Variants in CKB observed in about 807,000 individuals in gnomAD.
CKB encodes creatine kinase B.
CKB carries 15 observed loss-of-function variants against 36.9 expected under a neutral mutation model. That is an observed-to-expected ratio of 0.41 (90% CI 0.27 to 0.63). CKB has a LOEUF of 0.63. Among genes scored for constraint, CKB ranks in the 20% least tolerant of loss-of-function variants. The probability of loss-of-function intolerance (pLI) is 0.34; values close to 1 mark genes in which losing one functional copy is unlikely to be tolerated. For missense variants in CKB, 413 were observed against 534.9 expected (o/e 0.77, Z 2.25); for synonymous variants, 250 against 228.2 (o/e 1.10, Z -0.86).
Position 103,522,264 on chromosome 14 carries a change from G to C in CKB, c.193+37C>G, listed in dbSNP as rs754005707. The C allele has an allele frequency of 1.2e-5, 19 of 1,568,726 alleles. No individual in the cohort carries two copies. Among genetic ancestry groups the C allele is most frequent in the Non-Finnish European group, 1.5e-5 (17 of 1,159,142 alleles). ...AGGACCCTGCGGCTGCGCGGGGGGA[G>C]GGGGGGCCGGGACCCCGGCCCCGAG... On this transcript the variant is annotated intron_variant, in intron 2 of 7. Coordinates refer to ENST00000348956, the MANE Select transcript of CKB (RefSeq NM_001823.5). The surrounding 1 kb of genome is among the most constrained non-coding windows in gnomAD (Gnocchi z 6.7).
At chr14:103,520,422 C>G in intron 6 of CKB, 47 bp downstream of exon 6, 1 of 1,590,526 alleles carries the variant, frequency 6.3e-7, no homozygotes, top group Non-Finnish European at 8.6e-7. Flanking sequence ...GGGGCACCCA[C>G]ATCCCTGCTG....
intron 4 of CKB, 116 bp downstream of exon 4, chr14:103,521,702 G>A (rs532168573): frequency 1.7e-6 from 2 of 1,175,744 alleles, no homozygotes; most frequent in Non-Finnish European, 2.2e-6. Context: ...CCGGGCGCGC[G>A]CAGATAAGAG....
chr14:103,522,504 G>T lies in CKB; in HGVS notation c.-11C>A. Reference sequence around the variant, plus strand: ...GTTGGAGAAGGGCATGGCGGCGGCGGGCTGCGGGGAGACGCGGGGTCAGAG... The same window carrying T: ...GTTGGAGAAGGGCATGGCGGCGGCGTGCTGCGGGGAGACGCGGGGTCAGAG... On this transcript the variant is annotated splice_region_variant and 5_prime_UTR_variant, in exon 2 of 8. Coordinates refer to ENST00000348956, the MANE Select transcript of CKB (RefSeq NM_001823.5). The surrounding 1 kb of genome is among the most constrained non-coding windows in gnomAD (Gnocchi z 6.7). 1 of 1,592,916 alleles carries T rather than the reference G, an allele frequency of 6.3e-7. No homozygotes were observed.
chr14:103,520,267 G>T lies in CKB; in HGVS notation c.822C>A (p.Asn274Lys). The T allele has an allele frequency of 1.2e-6, 2 of 1,613,430 alleles. No homozygotes were observed. The highest frequency in any genetic ancestry group is 1.1e-5 in the South Asian group (1 of 91,078). The change falls in exon 7 of 8, where the codon AAC becomes AAA. Residue 274 changes from asparagine (N) to lysine (K), a missense_variant. Coordinates refer to ENST00000348956, the MANE Select transcript of CKB (RefSeq NM_001823.5). ...AGGTGAGGATGTAGCCCAGGTGAGG[G>T]TTCCACATGAACTCATAGTCCTTAG... is the stretch of plus-strand genomic sequence containing the variant. Reference protein sequence around the residue: ...FKSKDYEFMWNPHLGYILTCP... With the variant: ...FKSKDYEFMWKPHLGYILTCP...
At position 103,521,252 on chromosome 14, in the gene CKB, G is replaced by A. The variant is rs1281226533; in HGVS notation, c.653+11C>T. The stretch of plus-strand genomic sequence containing the variant: ...GGAGGACGCCGCGAGAGGGCGCAGA[G>A]GGACACGCACCAGATACCGCGGGCG... On this transcript the variant is annotated intron_variant, in intron 5 of 7. Transcript: ENST00000348956. 1.9e-6 allele frequency: 3 copies of A among 1,583,366 alleles called. No homozygotes were observed. The South Asian group carries it at 3.4e-5, about 18-fold the overall frequency.
Position 103,522,067 on chromosome 14 carries a change from G to C in CKB, c.304C>G (p.Pro102Ala). 1 of 1,558,804 alleles carries C rather than the reference G, an allele frequency of 6.4e-7. No individual in the cohort carries two copies. The highest frequency in any genetic ancestry group is 8.7e-7 in the Non-Finnish European group (1 of 1,151,928). The change falls in exon 3 of 8, where the codon CCC becomes GCC. Residue 102 changes from proline to alanine, a missense_variant. Physicochemically the swap from Pro to Ala is conservative, Grantham distance 27 (BLOSUM62 -1). Around this residue, in one of 3 missense-constraint regions of CKB, gnomAD observed 314 missense variants for 409.4 expected, o/e 0.77. Transcript: ENST00000348956. The surrounding 1 kb of genome is among the most constrained non-coding windows in gnomAD (Gnocchi z 6.7). ...AGGTCGGTCTTGTGCTCATCGCTGG[G>C]CTTGTAGCCGCCGTGCCGGTCCTCG... ...IIEDRHGGYK[P>A]SDEHKTDLNP... is the part of the protein sequence containing the mutation.
At chr14:103,520,790 A>C (rs1283432542) in intron 5 of CKB, 198 bp from the exon 6 acceptor site, 3 of 756,694 alleles carry the variant, frequency 4.0e-6, no homozygotes, top group East Asian at 6.0e-5. Context: ...AGCTGCCATC[A>C]TGCGCTGTGG....
chr14:103,522,363 G>C lies in CKB; in HGVS notation c.131C>G (p.Ala44Gly). 1 of 1,611,562 alleles carries C rather than the reference G, an allele frequency of 6.2e-7. No individual in the cohort carries two copies. Among genetic ancestry groups the C allele is most frequent in the Non-Finnish European group, 8.5e-7 (1 of 1,179,270 alleles). Reference protein sequence around the residue: ...LTPELYAELRAKSTPSGFTLD... With the variant: ...LTPELYAELRGKSTPSGFTLD... ...CGTGAAGCCGCTCGGCGTGCTCTTGGCGCGCAGCTCCGCGTACAGCTCGGG... is the reference window on the plus strand; with the variant it reads ...CGTGAAGCCGCTCGGCGTGCTCTTGCCGCGCAGCTCCGCGTACAGCTCGGG... Residue 44 changes from alanine to glycine, a missense_variant, in exon 2 of 8, where the codon GCC (alanine) becomes GGC (glycine). Transcript: ENST00000348956. The surrounding 1 kb of genome is among the most constrained non-coding windows in gnomAD (Gnocchi z 6.7).
In CKB at chr14:103,522,350, C is replaced by T. The variant is rs757591931; in HGVS notation, c.144G>A (p.Pro48=). 8 of 1,610,830 alleles carry T rather than the reference C, an allele frequency of 5.0e-6. No homozygotes were observed. The highest frequency in any genetic ancestry group is 4.0e-5 in the African/African-American group (3 of 74,688). The part of the protein sequence containing the change: ...LYAELRAKST[P]SGFTLDDVIQ... Reference sequence around the variant, plus strand: ...TGACGTCGTCCAGCGTGAAGCCGCTCGGCGTGCTCTTGGCGCGCAGCTCCG... The same window carrying T: ...TGACGTCGTCCAGCGTGAAGCCGCTTGGCGTGCTCTTGGCGCGCAGCTCCG... Residue 48 remains proline (P), a synonymous_variant, in exon 2 of 8, where the codon CCG becomes CCA. Coordinates refer to ENST00000348956, the MANE Select transcript of CKB (RefSeq NM_001823.5). The surrounding 1 kb of genome is among the most constrained non-coding windows in gnomAD (Gnocchi z 6.7).
Position 103,522,134 on chromosome 14 carries a change from C to T in CKB, c.237G>A (p.Glu79=). 1 of 1,601,252 alleles carries T rather than the reference C, an allele frequency of 6.2e-7. No homozygotes were observed. The change falls in exon 3 of 8, where the codon GAG becomes GAA. Residue 79 remains glutamate, a synonymous_variant. Transcript: ENST00000348956. This position sits in a 1 kb window ranked among gnomAD's most constrained non-coding sequence, Gnocchi z 6.7. The part of the protein sequence containing the change: ...IMTVGCVAGD[E]ESYEVFKDLF... ...GATCCTTGAACACTTCGTAGGACTCCTCGTCGCCCGCCACGCAGCCCACGG... is the reference window on the plus strand; with the variant it reads ...GATCCTTGAACACTTCGTAGGACTCTTCGTCGCCCGCCACGCAGCCCACGG...
At position 103,521,778 on chromosome 14, in the gene CKB, G is replaced by C. The variant is rs868116885; in HGVS notation, c.481+40C>G. 5.8e-5 allele frequency: 79 copies of C among 1,352,596 alleles called. No individual in the cohort carries two copies. In the African/African-American group the frequency reaches 1.1e-3, roughly 20 times the overall value. The allele number at this position is 1,352,596 out of a possible 1,614,324, so 83.8% of individuals were successfully genotyped here. ...CGGGCGGGGACCGCGCCGGGAGGGG[G>C]ACGCGGCCGCCGCCGCCCCTCGGCC... is the stretch of plus-strand genomic sequence containing the variant. On this transcript the variant is annotated intron_variant, in intron 4 of 7. Transcript: ENST00000348956.
intron 6 of CKB, 36 bp from the exon 7 acceptor site, chr14:103,520,347 T>C (rs1247954309): frequency 6.3e-7 from 1 of 1,589,308 alleles, no homozygotes; most frequent in Non-Finnish European, 8.6e-7. Context: ...GGAGAAGGCC[T>C]GCCTGAAACC....
intron 4 of CKB, 139 bp from the exon 5 acceptor site, chr14:103,521,573 A>G: frequency 1.0e-6 from 1 of 977,738 alleles, no homozygotes; most frequent in East Asian, 3.3e-5. Context: ...TCCAGTCCTC[A>G]CGGCCCGGGC....
At chr14:103,520,757 A>C (rs2075894422) in intron 5 of CKB, 165 bp from the exon 6 acceptor site, 1 of 981,818 alleles carries the variant, frequency 1.0e-6, no homozygotes, top group East Asian at 2.8e-5. Flanking sequence ...GGGAACCGGG[A>C]CGCCTCACAG....
In CKB at chr14:103,521,953, G is replaced by T; in HGVS notation, c.349-3C>A. On this transcript the variant is annotated splice_region_variant and splice_polypyrimidine_tract_variant and intron_variant, in intron 3 of 7. Coordinates refer to ENST00000348956, the MANE Select transcript of CKB (RefSeq NM_001823.5). Reference sequence around the variant, plus strand: ...TTGGGGTCCAGGTCGTCGCCGCCCTGGGAGGCGAGACGGGAGTGAGCGCCC... The same window carrying T: ...TTGGGGTCCAGGTCGTCGCCGCCCTTGGAGGCGAGACGGGAGTGAGCGCCC... 1 of 1,571,598 alleles carries T rather than the reference G, an allele frequency of 6.4e-7. No homozygotes were observed. Among genetic ancestry groups the T allele is most frequent in the Non-Finnish European group, 8.6e-7 (1 of 1,164,486 alleles).
Position 103,520,449 on chromosome 14 carries a change from G to T in CKB, c.777+20C>A. The T allele has an allele frequency of 6.3e-7, 1 of 1,596,478 alleles. No individual in the cohort carries two copies. The highest frequency in any genetic ancestry group is 8.5e-7 in the Non-Finnish European group (1 of 1,171,346). ...TCCCTGCTGGGGCCCTGGGGTCTGG[G>T]CCTGCCCCGTCCCTGGCACCTGGGT... is the stretch of plus-strand genomic sequence containing the variant. On this transcript the variant is annotated intron_variant, in intron 6 of 7. Coordinates refer to ENST00000348956, the MANE Select transcript of CKB (RefSeq NM_001823.5).
At position 103,520,146 on chromosome 14, in the gene CKB, G is replaced by T; in HGVS notation, c.943C>A (p.Leu315Met). 1 of 1,604,584 alleles carries T rather than the reference G, an allele frequency of 6.2e-7. No homozygotes were observed. The part of the protein sequence containing the change: ...HEKFSEVLKR[L>M]RLQKRGTGGV... ...CCTGTGCCTCGCTTCTGAAGTCGCA[G>T]CCGCTTAAGCACCTCCGAGAACTTC... The change falls in exon 7 of 8, where the codon CTG becomes ATG. Residue 315 changes from leucine to methionine, a missense_variant. By Grantham distance (15) the Leu-to-Met change is conservative (BLOSUM62 2). This residue lies in a region of CKB where 314 missense variants were observed against 409.4 expected (regional missense o/e 0.77). Transcript: ENST00000348956.
Position 103,521,263 on chromosome 14 carries a change from C to T in CKB, c.653G>A (p.Trp218Ter). The T allele has an allele frequency of 6.3e-7, 1 of 1,590,072 alleles. No individual in the cohort carries two copies. The highest frequency in any genetic ancestry group is 8.5e-7 in the Non-Finnish European group (1 of 1,172,572). The change falls in exon 5 of 8, where the codon TGG becomes TAG. Residue 218 changes from tryptophan to a stop codon, truncating the protein, a stop_gained and splice_region_variant. Coordinates refer to ENST00000348956, the MANE Select transcript of CKB (RefSeq NM_001823.5). LOFTEE classifies it high-confidence loss of function. Reference protein sequence around the residue: ...ARDWPDARGIWHNDNKTFLVW... With the variant: ...ARDWPDARGI ...CGAGAGGGCGCAGAGGGACACGCAC[C>T]AGATACCGCGGGCGTCGGGCCAGTC...
At position 103,522,302 on chromosome 14, in the gene CKB, C is replaced by T. The variant is rs2075908873; in HGVS notation, c.192G>A (p.Pro64=). The T allele has an allele frequency of 1.9e-6, 3 of 1,604,120 alleles. No individual in the cohort carries two copies. The highest frequency in any genetic ancestry group is 2.5e-6 in the Non-Finnish European group (3 of 1,177,814). ...CCCCGGCCCCGAGGGGTCGCGTACC[C>T]GGGTTGTCCACGCCTGTCTGGATGA... ...DDVIQTGVDN[P]GHPYIMTVGC... Residue 64 remains proline, a splice_region_variant and synonymous_variant, in exon 2 of 8, where the codon CCG becomes CCA. Coordinates refer to ENST00000348956, the MANE Select transcript of CKB (RefSeq NM_001823.5). This position sits in a 1 kb window ranked among gnomAD's most constrained non-coding sequence, Gnocchi z 6.7.
Sources: allele counts gnomAD v4.1 joint callset, GRCh38; gene constraint gnomAD v4.1.1; regional missense constraint gnomAD v4.1.1; non-coding constraint Gnocchi (gnomAD v3.1); transcripts MANE v1.5; gene names NCBI Gene and HGNC (gene_info 2026-07-23, HGNC 2026-07-21).